The following SEMA6D variants were observed in gnomAD, a reference collection of about 807,000 sequenced individuals.
SEMA6D encodes semaphorin-6D.
SEMA6D carries 35 observed loss-of-function variants against 106.6 expected under a neutral mutation model. The observed-to-expected ratio is 0.33, with a 90% CI of 0.25 to 0.44. The LOEUF is 0.44. SEMA6D is among the 20% of genes least tolerant of loss of function. The probability of loss-of-function intolerance (pLI) is 1.00; values close to 1 mark genes in which losing one functional copy is unlikely to be tolerated. For synonymous variants in SEMA6D, 499 were observed against 487.7 expected (o/e 1.02, Z -0.31); for missense variants, 1,185 against 1,345.9 (o/e 0.88, Z 1.87).
intron 1 of SEMA6D, among the ~76,000 whole-genome samples, chr15:47,344,991 A>G (rs939106441): frequency 1.3e-5 from 2 of 152,208 alleles, no homozygotes; most frequent in Admixed American, 1.3e-4. Context: ...TAAAGCTGAA[A>G]CAAGTATGCA....
chr15:47,702,175 C>T (rs1333523639), intron 4 of SEMA6D, among the ~76,000 whole-genome samples: 1 of 152,174 alleles, frequency 6.6e-6, no homozygotes, highest in Admixed American at 6.5e-5. Flanking sequence ...ATTAATGTCT[C>T]TTCCCCATTC....
intron 1 of SEMA6D, among the ~76,000 whole-genome samples, chr15:47,259,743 G>T (rs2033980759): frequency 6.6e-6 from 1 of 152,086 alleles, no homozygotes; most frequent in South Asian, 2.1e-4. Flanking sequence ...GAAGTTTTCA[G>T]CTGCAATATG....
At chr15:47,638,972 G>A (rs1345942647) in intron 4 of SEMA6D, among the ~76,000 whole-genome samples, 5 of 152,182 alleles carry the variant, frequency 3.3e-5, no homozygotes, top group Non-Finnish European at 5.9e-5. Flanking sequence ...CTGTCCAGTT[G>A]CCTGCTTGTA....
At chr15:47,492,083 T>C (rs1453001601) in intron 3 of SEMA6D, among the ~76,000 whole-genome samples, 6 of 152,166 alleles carry the variant, frequency 3.9e-5, no homozygotes, top group African/African-American at 9.7e-5. Flanking sequence ...GTGGTTATGA[T>C]AGAAATAAAG....
intron 4 of SEMA6D, among the ~76,000 whole-genome samples, chr15:47,672,038 C>T (rs546333635): frequency 1.3e-5 from 2 of 152,286 alleles, no homozygotes; most frequent in East Asian, 3.9e-4. Flanking sequence ...CCTCTATGAA[C>T]TCATGGAAGA....
chr15:47,514,857 C>G (rs2141841502), intron 3 of SEMA6D, among the ~76,000 whole-genome samples: 1 of 152,264 alleles, frequency 6.6e-6, no homozygotes, highest in South Asian at 2.1e-4. Context: ...GCAGCAGCAC[C>G]AGAGGCACTA....
chr15:47,645,070 C>T (rs2077556378), intron 4 of SEMA6D, among the ~76,000 whole-genome samples: 1 of 152,154 alleles, frequency 6.6e-6, no homozygotes, highest in African/African-American at 2.4e-5. Flanking sequence ...TGACATCAGC[C>T]TGTCCAGGAA....
At chr15:47,353,326 A>G (rs1241364303) in intron 1 of SEMA6D, among the ~76,000 whole-genome samples, 1 of 152,162 alleles carries the variant, frequency 6.6e-6, no homozygotes, top group Non-Finnish European at 1.5e-5. Flanking sequence ...AATGAGAGCA[A>G]ATTCAAGGGC....
chr15:47,494,231 A>T (rs1216064586), intron 3 of SEMA6D, among the ~76,000 whole-genome samples: 1 of 152,100 alleles, frequency 6.6e-6, no homozygotes, highest in African/African-American at 2.4e-5. Context: ...AATACTGGGA[A>T]TTACTATAAA....
intron 1 of SEMA6D, among the ~76,000 whole-genome samples, chr15:47,204,350 C>A (rs1894912778): frequency 6.6e-6 from 1 of 152,096 alleles, no homozygotes; most frequent in African/African-American, 2.4e-5. Context: ...TCACTATGGA[C>A]TATTCAGTTT....
intron 4 of SEMA6D, among the ~76,000 whole-genome samples, chr15:47,675,857 C>T (rs537684473): frequency 6.7e-6 from 1 of 150,010 alleles, no homozygotes; most frequent in African/African-American, 2.4e-5. Flanking sequence ...GAAGCTGGCC[C>T]CTGTAGCTTG....
chr15:47,425,672 C>CTTTTTT (rs750135945), intron 2 of SEMA6D, among the ~76,000 whole-genome samples: 1 of 136,632 alleles, frequency 7.3e-6, no homozygotes, highest in Non-Finnish European at 1.6e-5. Context: ...AAGATACTTT[C>CTTTTTT]TTTTTTTTTT....
chr15:47,288,608 A>G (rs911458204), intron 1 of SEMA6D, among the ~76,000 whole-genome samples: 1 of 152,192 alleles, frequency 6.6e-6, no homozygotes, highest in African/African-American at 2.4e-5. Context: ...TAAATACTGA[A>G]TGGTTAAGTG....
intron 1 of SEMA6D, among the ~76,000 whole-genome samples, chr15:47,718,219 G>A (rs921923565): frequency 6.6e-6 from 1 of 152,216 alleles, no homozygotes; most frequent in Non-Finnish European, 1.5e-5. Flanking sequence ...TGCGGGCTTA[G>A]CCGCCCCCTC....
Position 47,606,581 on chromosome 15 carries a change from A to T in SEMA6D, c.-55+5685A>T, listed in dbSNP as rs143390264. On this transcript the variant is annotated intron_variant, in intron 4 of 19. Coordinates refer to the SEMA6D transcript ENST00000558014. ...ATGATACATTGTAGGAGGAAACTGC[A>T]CAAGGACTTGAATACCAAGAGGCAG... 4.0e-4 allele frequency among the ~76,000 whole-genome samples: 61 copies of T among 152,322 alleles called. No homozygotes were observed. The East Asian group carries it at 0.011, about 28-fold the overall frequency.
intron 1 of SEMA6D, among the ~76,000 whole-genome samples, chr15:47,253,892 G>A (rs1022244455): frequency 1.3e-5 from 2 of 152,068 alleles, no homozygotes; most frequent in African/African-American, 2.4e-5. Context: ...TGTAAAGAAC[G>A]TCGTTGATAC....
At chr15:47,330,673 A>G (rs1010707064) in intron 1 of SEMA6D, among the ~76,000 whole-genome samples, 6 of 152,222 alleles carry the variant, frequency 3.9e-5, no homozygotes, top group African/African-American at 1.4e-4. Context: ...GTTTTCCAGA[A>G]GTATTGTTTG....
Position 47,620,709 on chromosome 15 carries a change from TAC to T in SEMA6D, c.-55+19819_-55+19820del, listed in dbSNP as rs34978737. The stretch of plus-strand genomic sequence containing the variant: ...TGCCTTTAAAATATATATATATATA[TAC>T]ACACATATATATATATATTCTTTGT... On this transcript the variant is annotated intron_variant, in intron 4 of 19. Coordinates refer to the SEMA6D transcript ENST00000558014. Among the ~76,000 whole-genome samples the T allele has an allele frequency of 2.5e-3, 332 of 132,220 alleles. 4 individuals are homozygous for T. The highest frequency in any genetic ancestry group is 8.5e-4 in the Non-Finnish European group (50 of 59,008). The allele number at this position is 132,220 out of a possible 152,430, so 86.7% of individuals were successfully genotyped here.
chr15:47,247,877 G>A (rs2033292610), intron 1 of SEMA6D, among the ~76,000 whole-genome samples: 1 of 152,210 alleles, frequency 6.6e-6, no homozygotes, highest in African/African-American at 2.4e-5. Flanking sequence ...AGGGTAGTGA[G>A]CTGGGAACTG....
Sources: gnomAD v4.1 joint callset for allele counts (sites outside exome capture counted in the v4.1 genomes callset) on GRCh38, gnomAD v4.1.1 for gene constraint, MANE v1.5 for transcripts, NCBI Gene and HGNC (gene_info 2026-07-23, HGNC 2026-07-21) for gene names.